MMP16: variants seen among roughly 807,000 people sequenced by gnomAD.
MMP16 encodes the protein matrix metallopeptidase 16.
A neutral mutation model predicts 67.8 loss-of-function variants in MMP16; 12 were observed. That is an observed-to-expected ratio of 0.18 (90% confidence interval 0.11 to 0.29). The LOEUF (loss-of-function observed/expected upper bound fraction) is 0.29, where lower values mean the gene tolerates loss of function less well. Ranked by LOEUF, MMP16 falls within the 10% of genes least tolerant of loss-of-function variation. MMP16 has a pLI of 1.00. For synonymous variants in MMP16, 249 were observed against 255.9 expected (o/e 0.97, Z 0.26); for missense variants, 475 against 765.7 (o/e 0.62, Z 4.48).
At chr8:88,162,714 A>G (rs1808649309) in intron 4 of MMP16, among the ~76,000 whole-genome samples, 1 of 151,968 alleles carries the variant, frequency 6.6e-6, no homozygotes, top group Non-Finnish European at 1.5e-5. Flanking sequence ...TTCTTGTGAT[A>G]GTGAGTGAGT....
At chr8:88,138,579 A>G (rs1488087985) in intron 4 of MMP16, among the ~76,000 whole-genome samples, 1 of 151,874 alleles carries the variant, frequency 6.6e-6, no homozygotes, top group Admixed American at 6.6e-5. Flanking sequence ...GGCTTCCTTC[A>G]TGGCCTCACA....
chr8:88,252,688 C>T (rs1159697598), intron 1 of MMP16, among the ~76,000 whole-genome samples: 1 of 149,712 alleles, frequency 6.7e-6, no homozygotes, highest in African/African-American at 2.4e-5. Flanking sequence ...AATTAACAGA[C>T]TTGCAGTAAT....
At chr8:88,160,755 C>T (rs1808605698) in intron 4 of MMP16, among the ~76,000 whole-genome samples, 1 of 152,050 alleles carries the variant, frequency 6.6e-6, no homozygotes, top group Non-Finnish European at 1.5e-5. Flanking sequence ...ACTAGAAATA[C>T]CATTTGACCC....
chr8:88,097,322 T>C (rs1809045301), intron 6 of MMP16, among the ~76,000 whole-genome samples: 1 of 151,818 alleles, frequency 6.6e-6, no homozygotes. Context: ...TGCTTAAACA[T>C]TCTATTAAGA....
chr8:88,177,141 A>G (rs535943604), intron 3 of MMP16, among the ~76,000 whole-genome samples: 10 of 152,178 alleles, frequency 6.6e-5, no homozygotes, highest in Admixed American at 5.9e-4. Flanking sequence ...TTTTGTGTCT[A>G]TTTTAAATGG....
At chr8:88,300,706 A>G (rs1211259339) in intron 1 of MMP16, among the ~76,000 whole-genome samples, 1 of 152,328 alleles carries the variant, frequency 6.6e-6, no homozygotes, top group South Asian at 2.1e-4. Context: ...TCAGGCATCT[A>G]CTAGGGAACT....
chr8:88,316,252 C>T (rs771754622), intron 1 of MMP16, among the ~76,000 whole-genome samples: 13 of 151,968 alleles, frequency 8.6e-5, no homozygotes, highest in Non-Finnish European at 1.9e-4. Flanking sequence ...AGGTGGGTAC[C>T]GTAAACAAAA....
intron 4 of MMP16, among the ~76,000 whole-genome samples, chr8:88,122,635 T>C (rs1296099889): frequency 6.6e-6 from 1 of 151,780 alleles, no homozygotes; most frequent in Non-Finnish European, 1.5e-5. Context: ...GCTTAGTGGA[T>C]AGATAGGATG....
At chr8:88,299,757 T>A (rs967615031) in intron 1 of MMP16, among the ~76,000 whole-genome samples, 2 of 152,214 alleles carry the variant, frequency 1.3e-5, no homozygotes, top group Middle Eastern at 3.2e-3. Flanking sequence ...ACTTTTCTTA[T>A]CTGCAAAATC....
At position 88,265,388 on chromosome 8, in the gene MMP16, A is replaced by T. The variant is rs1255076478; in HGVS notation, c.132+61687T>A. Among the ~76,000 whole-genome samples the T allele has an allele frequency of 2.0e-5, 3 of 152,162 alleles. No homozygotes were observed. The East Asian group carries it at 5.8e-4, about 29-fold the overall frequency. ...GCATTCAATATACTATGAAAGCTAA[A>T]AGCTGCATGAAGCACTGAGAATTCA... On this transcript the variant is annotated intron_variant, in intron 1 of 9. Transcript: ENST00000286614.
rs189965310 is a variant in MMP16 at position 88,302,446 on chromosome 8, G to A, written c.132+24629C>T. On this transcript the variant is annotated intron_variant, in intron 1 of 9. Coordinates refer to ENST00000286614, the MANE Select transcript of MMP16 (RefSeq NM_005941.5). ...ATTTGCGTCCCTTGTTATATTATCT[G>A]CGCACAAAATAAAGTCCCTGTTGTA... Among the ~76,000 whole-genome samples the A allele has an allele frequency of 3.3e-5, 5 of 152,224 alleles. 1 individual carries two copies. Among genetic ancestry groups the A allele is most frequent in the African/African-American group, 9.6e-5 (4 of 41,524 alleles).
intron 1 of MMP16, among the ~76,000 whole-genome samples, chr8:88,271,854 G>A (rs905817305): frequency 4.6e-5 from 7 of 152,298 alleles, no homozygotes; most frequent in African/African-American, 1.4e-4. Context: ...TAACAGGAAA[G>A]TTAGTTTACG....
At position 88,221,722 on chromosome 8, in the gene MMP16, G is replaced by A. The variant is rs143415812; in HGVS notation, c.133-24416C>T. ...CAATGAAAATGCATGCAAAATAAGAGAAGATTTTTTAAAAAATCATGGAAT... is the reference window on the plus strand; with the variant it reads ...CAATGAAAATGCATGCAAAATAAGAAAAGATTTTTTAAAAAATCATGGAAT... On this transcript the variant is annotated intron_variant, in intron 1 of 9. Coordinates refer to ENST00000286614, the MANE Select transcript of MMP16 (RefSeq NM_005941.5). Among the ~76,000 whole-genome samples, 703 of 151,912 alleles carry A rather than the reference G, an allele frequency of 4.6e-3. 8 individuals are homozygous for A. Among genetic ancestry groups the A allele is most frequent in the African/African-American group, 0.016 (671 of 41,438 alleles).
chr8:88,169,589 T>C (rs1193543894), intron 3 of MMP16, among the ~76,000 whole-genome samples: 1 of 152,214 alleles, frequency 6.6e-6, no homozygotes, highest in South Asian at 2.1e-4. Context: ...AATATCTAGA[T>C]TATATTTACA....
chr8:88,190,900 G>A (rs899580970), intron 2 of MMP16, among the ~76,000 whole-genome samples: 1 of 151,990 alleles, frequency 6.6e-6, no homozygotes, highest in South Asian at 2.1e-4. Context: ...ATATAACTGT[G>A]CTTTTTATTT....
intron 4 of MMP16, among the ~76,000 whole-genome samples, chr8:88,160,279 T>C (rs1021031916): frequency 5.3e-5 from 8 of 151,998 alleles, no homozygotes; most frequent in East Asian, 1.9e-4. Flanking sequence ...ATTTCATCCA[T>C]GTCCCTACAA....
intron 7 of MMP16, among the ~76,000 whole-genome samples, chr8:88,070,037 G>A (rs754451266): frequency 2.6e-5 from 4 of 151,920 alleles, no homozygotes; most frequent in Non-Finnish European, 4.4e-5. Flanking sequence ...TTTTACTTCT[G>A]TTTTATATCA....
chr8:88,147,851 T>G lies in MMP16; in HGVS notation c.709+19818A>C, dbSNP rs543190908. On this transcript the variant is annotated intron_variant, in intron 4 of 9. Coordinates refer to ENST00000286614, the MANE Select transcript of MMP16 (RefSeq NM_005941.5). Reference sequence around the variant, plus strand: ...TTGAATATATTGAGCTTCCTCTATATGTGGATTCATATTTTTACTTCTAGA... The same window carrying G: ...TTGAATATATTGAGCTTCCTCTATAGGTGGATTCATATTTTTACTTCTAGA... Among the ~76,000 whole-genome samples the G allele has an allele frequency of 9.1e-4, 138 of 152,218 alleles. 1 individual carries two copies. Among genetic ancestry groups the G allele is most frequent in the African/African-American group, 3.3e-3 (136 of 41,550 alleles).
chr8:88,059,995 A>G (rs1222334818), intron 7 of MMP16, among the ~76,000 whole-genome samples: 1 of 152,074 alleles, frequency 6.6e-6, no homozygotes, highest in East Asian at 1.9e-4. Flanking sequence ...AAAAAAAAAA[A>G]AAGTGATACA....
Sources: gnomAD v4.1 joint callset for allele counts (sites outside exome capture counted in the v4.1 genomes callset) on GRCh38, gnomAD v4.1.1 for gene constraint, MANE v1.5 for transcripts, NCBI Gene and HGNC (gene_info 2026-07-23, HGNC 2026-07-21) for gene names.